ACYP2: variants seen among roughly 807,000 people sequenced by gnomAD.
The protein encoded by ACYP2 is acylphosphatase 2.
ACYP2 carries 12 observed loss-of-function variants against 11.2 expected under a neutral mutation model. The observed-to-expected ratio is 1.08, with a 90% CI of 0.69 to 1.74. ACYP2 has a LOEUF of 1.74. Among genes scored for constraint, ACYP2 ranks in the 40% most tolerant of loss-of-function variants. ACYP2 has a pLI of 0.00. For synonymous variants in ACYP2, 43 were observed against 32.2 expected (o/e 1.33, Z -1.13); for missense variants, 134 against 101.9 (o/e 1.31, Z -1.35).
At chr2:54,228,880 G>C (rs1033151943) in intron 6 of ACYP2, among the ~76,000 whole-genome samples, 1 of 152,036 alleles carries the variant, frequency 6.6e-6, no homozygotes, top group African/African-American at 2.4e-5. Context: ...TACAGGGCAA[G>C]GAAACTTTCC....
At chr2:54,092,578 C>A (rs537073793) in intron 4 of ACYP2, among the ~76,000 whole-genome samples, 1 of 152,142 alleles carries the variant, frequency 6.6e-6, no homozygotes, top group Non-Finnish European at 1.5e-5. Flanking sequence ...TGAGGGGAAT[C>A]TAGAATTGGT....
chr2:54,205,320 A>C (rs927480994), intron 6 of ACYP2, among the ~76,000 whole-genome samples: 1 of 152,238 alleles, frequency 6.6e-6, no homozygotes, highest in East Asian at 1.9e-4. Context: ...AGCAGTCAGC[A>C]TCTGAGATGA....
At chr2:54,154,003 T>C (rs1243287349) in intron 6 of ACYP2, among the ~76,000 whole-genome samples, 1 of 152,182 alleles carries the variant, frequency 6.6e-6, no homozygotes, top group African/African-American at 2.4e-5. Context: ...ATGTTATATT[T>C]TTCAGTGTAC....
intron 6 of ACYP2, among the ~76,000 whole-genome samples, chr2:54,262,042 T>G (rs1484154900): frequency 6.6e-6 from 1 of 152,220 alleles, no homozygotes. Context: ...GATTTAATCA[T>G]TTTCTACTAA....
intron 6 of ACYP2, among the ~76,000 whole-genome samples, chr2:54,190,208 T>C (rs1296143364): frequency 6.6e-6 from 1 of 152,212 alleles, no homozygotes; most frequent in African/African-American, 2.4e-5. Flanking sequence ...AGCTTTTTAG[T>C]GTGATGTAGT....
intron 6 of ACYP2, among the ~76,000 whole-genome samples, chr2:54,247,174 T>C (rs993586048): frequency 1.3e-5 from 2 of 152,220 alleles, no homozygotes; most frequent in African/African-American, 2.4e-5. Context: ...TCCTTTGTGC[T>C]CTCTCCTTGA....
At chr2:54,138,189 T>TA (rs1210905480) in intron 5 of ACYP2, among the ~76,000 whole-genome samples, 2 of 152,212 alleles carry the variant, frequency 1.3e-5, no homozygotes, top group Non-Finnish European at 2.9e-5. Flanking sequence ...AGTGTTGTAG[T>TA]CTCTATTTCT....
At chr2:54,255,600 G>A (rs754452381) in intron 6 of ACYP2, 5 of 1,613,438 alleles carry the variant, frequency 3.1e-6, no homozygotes, top group Non-Finnish European at 4.2e-6. Context: ...CTGCCTCCCT[G>A]TTTACCTCAT....
In ACYP2 at chr2:54,159,585, C is replaced by T. The variant is rs142120167; in HGVS notation, c.404+20837C>T. 3.0e-4 allele frequency among the ~76,000 whole-genome samples: 46 copies of T among 152,184 alleles called. 1 individual carries two copies. In the East Asian group the frequency reaches 8.5e-3, roughly 28 times the overall value. ...TAAATGTTTATTATGTGTATTTCGA[C>T]GTCCCTCTGCTAGGTGCTAAGGGGC... On this transcript the variant is annotated intron_variant, in intron 6 of 6. Coordinates refer to ENST00000607452, the MANE Select transcript of ACYP2 (RefSeq NM_001320586.2).
intron 6 of ACYP2, among the ~76,000 whole-genome samples, chr2:54,237,888 A>G (rs1160711604): frequency 6.6e-6 from 1 of 151,960 alleles, no homozygotes; most frequent in Non-Finnish European, 1.5e-5. Context: ...AACTTTCTGG[A>G]CATGCATGAA....
chr2:54,090,021 C>T (rs1164448544), intron 4 of ACYP2, among the ~76,000 whole-genome samples: 1 of 151,536 alleles, frequency 6.6e-6, no homozygotes, highest in African/African-American at 2.4e-5. Context: ...TGGCGGGCAC[C>T]TGTAATCCCA....
At chr2:54,043,714 T>C (rs1382045944) in intron 2 of ACYP2, among the ~76,000 whole-genome samples, 1 of 152,232 alleles carries the variant, frequency 6.6e-6, no homozygotes, top group African/African-American at 2.4e-5. Context: ...AGAACTACCA[T>C]GCTGGTTACT....
chr2:54,011,502 GAGA>G lies in ACYP2; in HGVS notation c.62+37696_62+37698del, dbSNP rs1673370440. On this transcript the variant is annotated intron_variant, in intron 2 of 6. Transcript: ENST00000607452. ...TGTAGTTCTCTCTCATAATAATAGG[GAGA>G]AGATGACTCTGATATGCATTTATTA... Among the ~76,000 whole-genome samples the G allele has an allele frequency of 2.0e-5, 3 of 152,230 alleles. No homozygotes were observed. The South Asian group carries it at 6.2e-4, about 32-fold the overall frequency.
At chr2:54,011,194 A>T (rs1301567371) in intron 2 of ACYP2, among the ~76,000 whole-genome samples, 1 of 152,230 alleles carries the variant, frequency 6.6e-6, no homozygotes, top group Non-Finnish European at 1.5e-5. Context: ...AAGAATACAC[A>T]GGAAATAATA....
chr2:54,056,808 C>G (rs1380942345), intron 3 of ACYP2, among the ~76,000 whole-genome samples: 4 of 151,916 alleles, frequency 2.6e-5, no homozygotes, highest in Non-Finnish European at 5.9e-5. Context: ...CTGTTGATTC[C>G]TATATTAAGA....
chr2:54,001,882 T>C (rs760951588), intron 2 of ACYP2, among the ~76,000 whole-genome samples: 4 of 152,144 alleles, frequency 2.6e-5, no homozygotes, highest in Non-Finnish European at 4.4e-5. Context: ...CACAGAAAAA[T>C]TGCGTGAAAA....
chr2:54,283,886 G>A (rs1017436061), intron 6 of ACYP2, among the ~76,000 whole-genome samples: 2 of 152,190 alleles, frequency 1.3e-5, no homozygotes, highest in African/African-American at 4.8e-5. Context: ...AGGCCAAGGC[G>A]AGTGGATCAC....
At chr2:53,981,891 GTATT>G (rs1340601501) in intron 2 of ACYP2, among the ~76,000 whole-genome samples, 3 of 151,890 alleles carry the variant, frequency 2.0e-5, no homozygotes, top group Non-Finnish European at 4.4e-5. Flanking sequence ...ATTAAGTGAT[GTATT>G]TATTTAATGA....
chr2:54,047,682 C>A (rs1330843515), intron 2 of ACYP2, among the ~76,000 whole-genome samples: 2 of 152,162 alleles, frequency 1.3e-5, no homozygotes, highest in African/African-American at 4.8e-5. Context: ...TAGTTCCTTG[C>A]TTATTACTAT....
Sources: allele counts gnomAD v4.1 joint callset (sites outside exome capture counted in the v4.1 genomes callset), GRCh38; gene constraint gnomAD v4.1.1; transcripts MANE v1.5; gene names NCBI Gene and HGNC (gene_info 2026-07-23, HGNC 2026-07-21).